The following DNAH6 variants were observed in gnomAD, a reference collection of about 807,000 sequenced individuals.
DNAH6 encodes axonemal beta dynein heavy chain 6.
DNAH6 carries 340 observed loss-of-function variants against 491.4 expected under a neutral mutation model. That is an observed-to-expected ratio of 0.69 (90% CI 0.63 to 0.76). The LOEUF is 0.76. Among genes scored for constraint, DNAH6 ranks in the 30% least tolerant of loss-of-function variants. The probability of loss-of-function intolerance (pLI) is 0.00; values close to 1 mark genes in which losing one functional copy is unlikely to be tolerated. For missense variants in DNAH6, 4,443 were observed against 4,972.2 expected (o/e 0.89, Z 3.20); for synonymous variants, 1,603 against 1,686.1 (o/e 0.95, Z 1.21).
At position 84,675,563 on chromosome 2, in the gene DNAH6, C is replaced by G. The variant is rs142779161; in HGVS notation, c.6613-1442C>G. On this transcript the variant is annotated intron_variant, in intron 40 of 76. Coordinates refer to ENST00000389394, the MANE Select transcript of DNAH6 (RefSeq NM_001370.2). The stretch of plus-strand genomic sequence containing the variant: ...AGTGCCACTTCCTTGGCCAAATCTT[C>G]TCTGACTCACAGACTAAGTTAGGTT... Among the ~76,000 whole-genome samples, 8 of 152,356 alleles carry G rather than the reference C, an allele frequency of 5.3e-5. 1 individual carries two copies. In the East Asian group the frequency reaches 1.5e-3, roughly 29 times the overall value.
At chr2:84,586,880 T>C (rs943443117) in intron 15 of DNAH6, among the ~76,000 whole-genome samples, 2 of 152,178 alleles carry the variant, frequency 1.3e-5, no homozygotes, top group African/African-American at 4.8e-5. Context: ...TGAATATCTA[T>C]GTATACATAG....
At position 84,588,850 on chromosome 2, in the gene DNAH6, G is replaced by A. The variant is rs867870223; in HGVS notation, c.2506G>A (p.Ala836Thr). 3.9e-5 allele frequency: 60 copies of A among 1,548,852 alleles called. No individual in the cohort carries two copies. The African/African-American group carries it at 8.2e-4, about 21-fold the overall frequency. ...AQDPQILDISADQDKIRLILN... is the reference protein window; with the variant it reads ...AQDPQILDISTDQDKIRLILN... ...GGATCCACAGATTTTAGATATCTCT[G>A]CTGACCAAGACAAAATAAGGCTCAT... The change falls in exon 16 of 77, where the codon GCT (alanine) becomes ACT (threonine). Residue 836 changes from alanine to threonine, a missense_variant. Around this residue, in one of 3 missense-constraint regions of DNAH6, gnomAD observed 2,977 missense variants for 3,296.6 expected, o/e 0.90. Coordinates refer to ENST00000389394, the MANE Select transcript of DNAH6 (RefSeq NM_001370.2).
At chr2:84,670,196 A>G in intron 38 of DNAH6, 132 bp from the exon 39 acceptor site, 1 of 617,752 alleles carries the variant, frequency 1.6e-6, no homozygotes, top group Non-Finnish European at 2.8e-6. Flanking sequence ...CCAGTAAGAG[A>G]AAGCAGACAT....
chr2:84,659,746 G>T (rs1377705394), intron 37 of DNAH6, among the ~76,000 whole-genome samples: 2 of 152,170 alleles, frequency 1.3e-5, no homozygotes, highest in Non-Finnish European at 2.9e-5. Context: ...ATTTTGGGAG[G>T]CTAGGCAAGA....
the DNAH6 span, among the ~76,000 whole-genome samples, chr2:84,477,997 A>T: frequency 1.3e-5 from 2 of 152,180 alleles, no homozygotes; most frequent in South Asian, 4.1e-4. Flanking sequence ...GTGTACTTGT[A>T]TGTACACTTG....
At chr2:84,493,020 A>G in the DNAH6 span, among the ~76,000 whole-genome samples, 1 of 152,034 alleles carries the variant, frequency 6.6e-6, no homozygotes, top group South Asian at 2.1e-4. Flanking sequence ...ATTTTTCTAT[A>G]TACTACATGT....
At position 84,688,511 on chromosome 2, in the gene DNAH6, G is replaced by A. The variant is rs547398271; in HGVS notation, c.7210G>A (p.Asp2404Asn). The change falls in exon 45 of 77, where the codon GAC (aspartate) becomes AAC (asparagine). Residue 2404 changes from aspartate (D) to asparagine (N), a missense_variant. Asp to Asn is a conservative substitution (Grantham distance 23, BLOSUM62 1). Around this residue, in one of 3 missense-constraint regions of DNAH6, gnomAD observed 2,977 missense variants for 3,296.6 expected, o/e 0.90. Transcript: ENST00000389394. ...DIEKTANVLQ[D>N]YLDDYNLTNP... is the part of the protein sequence containing the mutation. ...AGAGAAAACTGCAAATGTTCTACAGGACTATCTTGATGATTATAATCTCAC... is the reference window on the plus strand; with the variant it reads ...AGAGAAAACTGCAAATGTTCTACAGAACTATCTTGATGATTATAATCTCAC... 14 of 1,544,360 alleles carry A rather than the reference G, an allele frequency of 9.1e-6. No homozygotes were observed. The East Asian group carries it at 3.4e-4, about 38-fold the overall frequency.
chr2:84,583,915 C>T, intron 14 of DNAH6, 84 bp from the exon 15 acceptor site: 1 of 1,348,366 alleles, frequency 7.4e-7, no homozygotes, highest in Non-Finnish European at 1.0e-6. Flanking sequence ...TCATATTGTA[C>T]AGTGTCTGTC....
intron 70 of DNAH6, among the ~76,000 whole-genome samples, chr2:84,803,476 T>C (rs1160606325): frequency 1.3e-5 from 2 of 151,964 alleles, no homozygotes; most frequent in East Asian, 3.8e-4. Context: ...TTAAGACAAG[T>C]GGCAAATCAA....
rs1366605659 is a variant in DNAH6, at chr2:84,785,747, A to C, written c.11091A>C (p.Ala3697=). Residue 3697 remains alanine, a synonymous_variant, in exon 67 of 77, where the codon GCA becomes GCC. Coordinates refer to ENST00000389394, the MANE Select transcript of DNAH6 (RefSeq NM_001370.2). ...QIIFGICFFH[A]IIQERKKFGP... ...TATTTGGCATTTGTTTCTTCCATGC[A>C]ATTATTCAGGTACACTCAACTCTGC... 1 of 1,539,302 alleles carries C rather than the reference A, an allele frequency of 6.5e-7. No homozygotes were observed. The highest frequency in any genetic ancestry group is 2.5e-5 in the East Asian group (1 of 40,518).
chr2:84,634,176 T>C (rs72922742), intron 29 of DNAH6, among the ~76,000 whole-genome samples: 29,326 of 152,162 alleles, frequency 0.19, 5,518 homozygotes, highest in African/African-American at 0.49. Context: ...TTTTTAAAGT[T>C]CTTAAGTTTG....
At chr2:84,776,338 A>G (rs887678635) in intron 64 of DNAH6, among the ~76,000 whole-genome samples, 2 of 152,250 alleles carry the variant, frequency 1.3e-5, no homozygotes, top group Admixed American at 6.5e-5. Flanking sequence ...CATACTGACC[A>G]GTTTAGGACT....
chr2:84,574,604 A>G (rs954340689), intron 12 of DNAH6, among the ~76,000 whole-genome samples: 13 of 152,174 alleles, frequency 8.5e-5, no homozygotes, highest in Non-Finnish European at 1.8e-4. Flanking sequence ...TGTGGCCCCA[A>G]TTTAGAAAAC....
chr2:84,584,571 A>G, intron 15 of DNAH6: 1 of 228,414 alleles, frequency 4.4e-6, no homozygotes, highest in South Asian at 6.9e-5. Context: ...TTAAAAATTA[A>G]TGTTTCAAAA....
Position 84,619,692 on chromosome 2 carries a change from T to G in DNAH6, c.3580T>G (p.Phe1194Val). ...GGATGTTCTTTAATCCAGGTTTTAC[T>G]TCTTGTCAAATGATGAACTTCTGGA... ...SKRVIFPRFY[F>V]LSNDELLEIL... The change falls in exon 24 of 77, where the codon TTC (phenylalanine) becomes GTC (valine). Residue 1194 changes from phenylalanine to valine, a missense_variant. Transcript: ENST00000389394. The G allele has an allele frequency of 6.4e-7, 1 of 1,551,298 alleles. No individual in the cohort carries two copies. The highest frequency in any genetic ancestry group is 2.4e-5 in the East Asian group (1 of 40,906).
At chr2:84,473,932 A>G in the DNAH6 span, among the ~76,000 whole-genome samples, 2 of 152,186 alleles carry the variant, frequency 1.3e-5, no homozygotes, top group African/African-American at 4.8e-5. Flanking sequence ...ACTGTTCTCT[A>G]ACTTGCTTAA....
At position 84,664,297 on chromosome 2, in the gene DNAH6, G is replaced by C. The variant is rs189382400; in HGVS notation, c.6085-4992G>C. On this transcript the variant is annotated intron_variant, in intron 37 of 76. Transcript: ENST00000389394. Reference sequence around the variant, plus strand: ...CTAAATGCTCCAATTAAAAGACACAGACTGGCAAATTGGATAAAGAGTCAA... The same window carrying C: ...CTAAATGCTCCAATTAAAAGACACACACTGGCAAATTGGATAAAGAGTCAA... Among the ~76,000 whole-genome samples, 88 of 152,228 alleles carry C rather than the reference G, an allele frequency of 5.8e-4. 1 individual carries two copies. The highest frequency in any genetic ancestry group is 2.0e-3 in the African/African-American group (81 of 41,530).
intron 63 of DNAH6, among the ~76,000 whole-genome samples, chr2:84,757,588 T>C (rs1674166097): frequency 6.6e-6 from 1 of 152,220 alleles, no homozygotes; most frequent in Non-Finnish European, 1.5e-5. Flanking sequence ...TTATACTGAC[T>C]AGAATAACTA....
In DNAH6 at chr2:84,607,026, T is replaced by C. The variant is rs1396848026; in HGVS notation, c.3225T>C (p.Arg1075=). The C allele has an allele frequency of 6.4e-7, 1 of 1,551,442 alleles. No individual in the cohort carries two copies. Among genetic ancestry groups the C allele is most frequent in the Non-Finnish European group, 8.7e-7 (1 of 1,146,858 alleles). Reference sequence around the variant, plus strand: ...ATGTTGCAACTCTTGCCTCATCACGTTACCTTGGTCCACTGAAAACTCGAG... The same window carrying C: ...ATGTTGCAACTCTTGCCTCATCACGCTACCTTGGTCCACTGAAAACTCGAG... ...TINVATLASS[R]YLGPLKTRVD... is the part of the protein sequence containing the mutation. The change falls in exon 21 of 77, where the codon CGT becomes CGC. Residue 1075 remains arginine, a synonymous_variant. Coordinates refer to ENST00000389394, the MANE Select transcript of DNAH6 (RefSeq NM_001370.2).
Sources: gnomAD v4.1 joint callset for allele counts (sites outside exome capture counted in the v4.1 genomes callset) on GRCh38, gnomAD v4.1.1 for gene constraint, gnomAD v4.1.1 regional missense constraint, MANE v1.5 for transcripts, NCBI Gene and HGNC (gene_info 2026-07-23, HGNC 2026-07-21) for gene names.